Variants in MAP3K2 observed in about 807,000 individuals in gnomAD.
MAP3K2 encodes MAP/ERK kinase kinase 2.
A neutral mutation model predicts 80.3 loss-of-function variants in MAP3K2; 24 were observed. The observed-to-expected ratio is 0.30, with a 90% CI of 0.22 to 0.42. MAP3K2 has a LOEUF of 0.42. MAP3K2 is among the 10% of genes least tolerant of loss of function. The pLI, the probability that MAP3K2 is intolerant of heterozygous loss-of-function variation, is 1.00. For missense variants in MAP3K2, 608 were observed against 750.1 expected (o/e 0.81, Z 2.21); for synonymous variants, 244 against 253.7 (o/e 0.96, Z 0.36).
At position 127,355,427 on chromosome 2, in the gene MAP3K2, G is replaced by C. The variant is rs201291262; in HGVS notation, c.-65-12233C>G. Reference sequence around the variant, plus strand: ...GCAATAAGGCAAACATCATAATAAAGTGAATTTTTTTGTTTCCCAATGCAT... The same window carrying C: ...GCAATAAGGCAAACATCATAATAAACTGAATTTTTTTGTTTCCCAATGCAT... On this transcript the variant is annotated intron_variant, in intron 1 of 16. Coordinates refer to ENST00000682094, the MANE Select transcript of MAP3K2 (RefSeq NM_001371910.2). Among the ~76,000 whole-genome samples the C allele has an allele frequency of 1.2e-4, 19 of 152,238 alleles. No homozygotes were observed. In the East Asian group the frequency reaches 3.7e-3, roughly 29 times the overall value.
chr2:127,327,089 A>C (rs1686156529), intron 7 of MAP3K2, among the ~76,000 whole-genome samples: 1 of 152,196 alleles, frequency 6.6e-6, no homozygotes, highest in Non-Finnish European at 1.5e-5. Flanking sequence ...GGATGATAAT[A>C]CAATATAGAT....
intron 8 of MAP3K2, 55 bp downstream of exon 8, chr2:127,326,632 C>G (rs1321367702): frequency 1.5e-6 from 2 of 1,378,236 alleles, no homozygotes; most frequent in Non-Finnish European, 1.9e-6. Context: ...CCAAATCACA[C>G]TGACCCTGAC....
At chr2:127,377,835 G>A (rs905126943) in intron 1 of MAP3K2, among the ~76,000 whole-genome samples, 2 of 152,094 alleles carry the variant, frequency 1.3e-5, no homozygotes, top group East Asian at 1.9e-4. Context: ...CAAAGACAAC[G>A]TGAAAAAGGA....
At chr2:127,382,956 C>T (rs1687272060) in intron 1 of MAP3K2, among the ~76,000 whole-genome samples, 1 of 152,226 alleles carries the variant, frequency 6.6e-6, no homozygotes, top group Admixed American at 6.5e-5. Context: ...GTTTAATTGG[C>T]TCACGGTTCA....
intron 1 of MAP3K2, among the ~76,000 whole-genome samples, chr2:127,386,754 T>C (rs1360874407): frequency 1.1e-4 from 17 of 152,230 alleles, no homozygotes; most frequent in Admixed American, 1.1e-3. Context: ...TCTGTCTATG[T>C]GTTTAGAATT....
chr2:127,382,079 T>C (rs1248744174), intron 1 of MAP3K2, among the ~76,000 whole-genome samples: 1 of 152,196 alleles, frequency 6.6e-6, no homozygotes, highest in Admixed American at 6.5e-5. Flanking sequence ...CTAAATGCAA[T>C]GAATAAACTT....
intron 1 of MAP3K2, among the ~76,000 whole-genome samples, chr2:127,371,532 A>G (rs1033579020): frequency 5.3e-5 from 8 of 152,214 alleles, no homozygotes; most frequent in Admixed American, 1.3e-4. Flanking sequence ...CCCAGGACTG[A>G]TATCTTGTTA....
At chr2:127,335,736 A>AT (rs1686354346) in intron 5 of MAP3K2, 134 bp downstream of exon 5, 3 of 495,982 alleles carry the variant, frequency 6.0e-6, no homozygotes, top group Non-Finnish European at 1.1e-5. Context: ...GTTAAAATTT[A>AT]CTTGTTTTAT....
chr2:127,324,226 T>G lies in MAP3K2; in HGVS notation c.693A>C (p.Lys231Asn). Reference sequence around the variant, plus strand: ...AGCTCTGAGCCCTAGGCATTCGTGATTTTGGATAGCTCTCTCTATAAAGAA... The same window carrying G: ...AGCTCTGAGCCCTAGGCATTCGTGAGTTTGGATAGCTCTCTCTATAAAGAA... Reference protein sequence around the residue: ...DSPLDGESYPKSRMPRAQSYP... With the variant: ...DSPLDGESYPNSRMPRAQSYP... Residue 231 changes from lysine (K) to asparagine (N), a missense_variant, in exon 10 of 17, where the codon AAA becomes AAC. Around this residue, in one of 4 missense-constraint regions of MAP3K2, gnomAD observed 467 missense variants for 521.9 expected, o/e 0.89. Coordinates refer to ENST00000682094, the MANE Select transcript of MAP3K2 (RefSeq NM_001371910.2). 1.3e-6 allele frequency: 2 copies of G among 1,561,250 alleles called. No homozygotes were observed. The highest frequency in any genetic ancestry group is 1.7e-6 in the Non-Finnish European group (2 of 1,153,028).
At position 127,323,196 on chromosome 2, in the gene MAP3K2, G is replaced by A. The variant is rs186098953; in HGVS notation, c.838+706C>T. 2.3e-3 allele frequency among the ~76,000 whole-genome samples: 351 copies of A among 150,228 alleles called. 1 individual carries two copies. Among genetic ancestry groups the A allele is most frequent in the African/African-American group, 7.8e-3 (318 of 40,940 alleles). ...GCAAGTGGATCACTGGAGATCAGGA[G>A]TTTTGAGACCAGCCTGGCCAACATG... On this transcript the variant is annotated intron_variant, in intron 11 of 16. Transcript: ENST00000682094.
intron 5 of MAP3K2, among the ~76,000 whole-genome samples, chr2:127,333,482 C>G (rs1311253868): frequency 6.6e-6 from 1 of 152,098 alleles, no homozygotes; most frequent in African/African-American, 2.4e-5. Context: ...GAATAACATG[C>G]AGTATAAATG....
chr2:127,356,450 ATTAT>A (rs1026405030), intron 1 of MAP3K2, among the ~76,000 whole-genome samples: 1 of 152,102 alleles, frequency 6.6e-6, no homozygotes, highest in African/African-American at 2.4e-5. Flanking sequence ...TAATTTAAAA[ATTAT>A]TTATTGCTAA....
rs1686441657 is a variant in MAP3K2, at chr2:127,339,768, GCCAGTAAT to G, written c.5-726_5-719del. On this transcript the variant is annotated intron_variant, in intron 2 of 16. Transcript: ENST00000682094. This position sits in a 1 kb window ranked among gnomAD's most constrained non-coding sequence, Gnocchi z 4.2. ...CTTCTGAGACTAAAACCATGTGCCT[GCCAGTAAT>G]GCCAATTATAAGCTCTCCAGAAGAC... 1.3e-5 allele frequency among the ~76,000 whole-genome samples: 2 copies of G among 152,174 alleles called. No individual in the cohort carries two copies. The highest frequency in any genetic ancestry group is 4.1e-4 in the South Asian group (2 of 4,824).
At chr2:127,351,481 C>G (rs1686690884) in intron 1 of MAP3K2, among the ~76,000 whole-genome samples, 1 of 152,104 alleles carries the variant, frequency 6.6e-6, no homozygotes, top group East Asian at 1.9e-4. Context: ...CTTCTCCAGT[C>G]TTATCAAGAA....
In MAP3K2 at chr2:127,307,858, T is replaced by C; in HGVS notation, c.1635-54A>G. The stretch of plus-strand genomic sequence containing the variant: ...CACAAACAACAACATGAAAGAAAGC[T>C]AGTTAGCTAGAAAATGAGAAACAGG... On this transcript the variant is annotated intron_variant, in intron 16 of 16. Coordinates refer to ENST00000682094, the MANE Select transcript of MAP3K2 (RefSeq NM_001371910.2). This position sits in a 1 kb window ranked among gnomAD's most constrained non-coding sequence, Gnocchi z 5.4. The C allele has an allele frequency of 8.2e-7, 1 of 1,214,704 alleles. No homozygotes were observed. The highest frequency in any genetic ancestry group is 1.4e-5 in the South Asian group (1 of 72,378). 75.2% of individuals were successfully genotyped at this position (1,214,704 alleles called of 1,614,324 possible).
At chr2:127,308,254 CACTG>C (rs1164390709) in intron 16 of MAP3K2, among the ~76,000 whole-genome samples, 1 of 152,116 alleles carries the variant, frequency 6.6e-6, no homozygotes. Flanking sequence ...AATTATAAGA[CACTG>C]ACAACAAAGA....
At chr2:127,323,782 C>A in intron 11 of MAP3K2, 120 bp downstream of exon 11, 1 of 482,716 alleles carries the variant, frequency 2.1e-6, no homozygotes, top group Non-Finnish European at 3.7e-6. Flanking sequence ...TGTTATAACA[C>A]AATTCCTCAT....
In MAP3K2 at chr2:127,364,932, G is replaced by A. The variant is rs191705263; in HGVS notation, c.-65-21738C>T. Among the ~76,000 whole-genome samples, 1,313 of 151,588 alleles carry A rather than the reference G, an allele frequency of 8.7e-3. 18 individuals are homozygous for A. Among genetic ancestry groups the A allele is most frequent in the African/African-American group, 0.03 (1,246 of 41,340 alleles). ...CACCTGAGGTCAGGAGTTTGAGACCGGCCTGGCCAACATGGCAAAACCCTG... is the reference window on the plus strand; with the variant it reads ...CACCTGAGGTCAGGAGTTTGAGACCAGCCTGGCCAACATGGCAAAACCCTG... On this transcript the variant is annotated intron_variant, in intron 1 of 16. Coordinates refer to ENST00000682094, the MANE Select transcript of MAP3K2 (RefSeq NM_001371910.2). The surrounding 1 kb of genome is among the most constrained non-coding windows in gnomAD (Gnocchi z 4.1).
intron 1 of MAP3K2, among the ~76,000 whole-genome samples, chr2:127,350,612 A>G (rs1188307410): frequency 6.6e-6 from 1 of 152,086 alleles, no homozygotes; most frequent in East Asian, 1.9e-4. Context: ...AGCAATCATC[A>G]ATAGAAATAA....
Sources: allele counts gnomAD v4.1 joint callset (sites outside exome capture counted in the v4.1 genomes callset), GRCh38; gene constraint gnomAD v4.1.1; regional missense constraint gnomAD v4.1.1; non-coding constraint Gnocchi (gnomAD v3.1); transcripts MANE v1.5; gene names NCBI Gene and HGNC (gene_info 2026-07-23, HGNC 2026-07-21).